The following NPM1 variants were observed in gnomAD, a reference collection of about 807,000 sequenced individuals.
The protein encoded by NPM1 is nucleophosmin 1, also known as nucleophosmin.
NPM1 carries 1 observed loss-of-function variant against 44.1 expected under a neutral mutation model. That is an observed-to-expected ratio of 0.02 (90% CI 0.01 to 0.11). The LOEUF (loss-of-function observed/expected upper bound fraction) is 0.11. NPM1 is among the 10% of genes least tolerant of loss of function. NPM1 has a pLI of 1.00. For synonymous variants in NPM1, 126 were observed against 111.8 expected (o/e 1.13, Z -0.80); for missense variants, 197 against 347.8 (o/e 0.57, Z 3.45).
At chr5:171,389,939 T>G in intron 1 of NPM1, 112 bp from the exon 2 acceptor site, 1 of 665,822 alleles carries the variant, frequency 1.5e-6, no homozygotes, top group Non-Finnish European at 2.6e-6. Flanking sequence ...CTCTGGTAGC[T>G]AAAATAGTGA....
intron 8 of NPM1, among the ~76,000 whole-genome samples, chr5:171,403,002 AT>A (rs1234269241): frequency 3.2e-3 from 153 of 48,212 alleles, no homozygotes; most frequent in African/African-American, 0.011. Context: ...TTTTATTTTT[AT>A]TTTTTTTTTA....
At chr5:171,387,751 G>C (rs992005655), upstream of NPM1, 2 of 616,682 alleles carry the variant, frequency 3.2e-6, no homozygotes, top group Non-Finnish European at 5.8e-6. Context: ...GCTACGGTAC[G>C]GGGGTGGGAG....
At chr5:171,394,375 C>T (rs1206989292) in intron 6 of NPM1, among the ~76,000 whole-genome samples, 2 of 152,070 alleles carry the variant, frequency 1.3e-5, no homozygotes, top group Non-Finnish European at 2.9e-5. Flanking sequence ...GGTTTCACCA[C>T]GTTGGCTAGG....
chr5:171,409,764 C>CT (rs1771732251), intron 10 of NPM1, among the ~76,000 whole-genome samples: 1 of 152,230 alleles, frequency 6.6e-6, no homozygotes, highest in East Asian at 1.9e-4. Context: ...ACCTTGGCCT[C>CT]TTAAAGTGCT....
At chr5:171,407,652 C>T (rs780882206) in intron 9 of NPM1, 48 bp from the exon 10 acceptor site, 10 of 1,035,408 alleles carry the variant, frequency 9.7e-6, no homozygotes, top group South Asian at 7.6e-5. Context: ...AGGTATCTCT[C>T]TCGGTGTATT....
intron 1 of NPM1, among the ~76,000 whole-genome samples, chr5:171,388,715 T>A (rs1214219245): frequency 6.6e-6 from 1 of 152,214 alleles, no homozygotes; most frequent in Non-Finnish European, 1.5e-5. Context: ...GCACTAGGGT[T>A]CTGGAGGTCT....
In NPM1 at chr5:171,406,510, T is replaced by G. The variant is rs779821869; in HGVS notation, c.771+1107T>G. 16 of 1,576,896 alleles carry G rather than the reference T, an allele frequency of 1.0e-5. No individual in the cohort carries two copies. In the Admixed American group the frequency reaches 1.4e-4, roughly 14 times the overall value. ...GTGTCATCAACAATCCAGACTGAAG[T>G]CTTCTATTTTAATCTCAATCCCCTT... On this transcript the variant is annotated intron_variant, in intron 9 of 10. Coordinates refer to ENST00000296930, the MANE Select transcript of NPM1 (RefSeq NM_002520.7).
rs1581233973 is a variant in NPM1, at chr5:171,387,857, G to C, written c.-92G>C. ...CGCGGGGAGCCTGCGTCCTTTCCCT[G>C]GTGTGATTCCGTCCTGCGCGGTTGT... On this transcript the variant is annotated 5_prime_UTR_variant, in exon 1 of 11. Transcript: ENST00000296930. The C allele has an allele frequency of 3.3e-6, 4 of 1,198,164 alleles. No homozygotes were observed. The highest frequency in any genetic ancestry group is 4.7e-5 in the East Asian group (2 of 42,604). 74.2% of individuals were successfully genotyped at this position (1,198,164 alleles called of 1,614,324 possible).
intron 4 of NPM1, 63 bp from the exon 5 acceptor site, chr5:171,392,647 G>T: frequency 6.0e-6 from 6 of 995,370 alleles, no homozygotes; most frequent in South Asian, 1.5e-5. Context: ...TACTATCAGT[G>T]TTCTTTTTTT....
chr5:171,410,489 G>T (rs755547732), intron 10 of NPM1, 38 bp from the exon 11 acceptor site: 1 of 1,372,646 alleles, frequency 7.3e-7, no homozygotes, highest in East Asian at 2.3e-5. Flanking sequence ...ATGAAGTGTT[G>T]TGGTTCCTTA....
intron 8 of NPM1, among the ~76,000 whole-genome samples, chr5:171,402,712 C>G (rs1274206534): frequency 7.2e-6 from 1 of 138,728 alleles, no homozygotes; most frequent in Admixed American, 7.3e-5. Context: ...GGTAGATTTC[C>G]CTCTTGCTGT....
chr5:171,395,227 T>C (rs761820799), intron 6 of NPM1, among the ~76,000 whole-genome samples: 3 of 152,178 alleles, frequency 2.0e-5, no homozygotes, highest in Non-Finnish European at 2.9e-5. Context: ...GTAATTTTGT[T>C]TGTCTTTAAG....
Position 171,406,635 on chromosome 5 carries a change from GCTTT to G in NPM1, c.772-1062_772-1059del, listed in dbSNP as rs541715193. ...TGTGATTCAGTGAACCTTGCCCTTT[GCTTT>G]CTATTACTTGTGCATTTGCCTCACC... On this transcript the variant is annotated intron_variant, in intron 9 of 10. Transcript: ENST00000296930. 1.2e-5 allele frequency: 16 copies of G among 1,324,148 alleles called. No individual in the cohort carries two copies. The South Asian group carries it at 3.2e-4, about 26-fold the overall frequency. The allele number at this position is 1,324,148 out of a possible 1,614,324, so 82.0% of individuals were successfully genotyped here.
intron 9 of NPM1, chr5:171,406,363 T>G: frequency 3.1e-6 from 5 of 1,590,360 alleles, no homozygotes; most frequent in Non-Finnish European, 4.3e-6. Flanking sequence ...CCCCTCCATT[T>G]TAATATGGTC....
In NPM1 at chr5:171,390,081, A is replaced by G; in HGVS notation, c.89A>G (p.His30Arg). The G allele has an allele frequency of 1.3e-6, 2 of 1,580,412 alleles. No homozygotes were observed. Among genetic ancestry groups the G allele is most frequent in the Non-Finnish European group, 1.7e-6 (2 of 1,168,170 alleles). Residue 30 changes from histidine (H) to arginine (R), a missense_variant, in exon 2 of 11, where the codon CAC (histidine) becomes CGC (arginine). This residue lies in a region of NPM1 where 43 missense variants were observed against 109.6 expected (regional missense o/e 0.39). Coordinates refer to ENST00000296930, the MANE Select transcript of NPM1 (RefSeq NM_002520.7). ...GAACTAAAGGCCGACAAAGATTATCACTTTAAGGTGGATAATGATGAAAAT... is the reference window on the plus strand; with the variant it reads ...GAACTAAAGGCCGACAAAGATTATCGCTTTAAGGTGGATAATGATGAAAAT... ...GCELKADKDY[H>R]FKVDNDENEH...
intron 8 of NPM1, among the ~76,000 whole-genome samples, chr5:171,403,792 A>C (rs1581255153): frequency 2.2e-5 from 2 of 91,468 alleles, no homozygotes; most frequent in Admixed American, 1.1e-4. Context: ...GGGGCTCCTC[A>C]CTTCCCAGTA....
At position 171,410,698 on chromosome 5, in the gene NPM1, T is replaced by C; in HGVS notation, c.*133T>C. On this transcript the variant is annotated 3_prime_UTR_variant, in exon 11 of 11. Coordinates refer to ENST00000296930, the MANE Select transcript of NPM1 (RefSeq NM_002520.7). ...CGTGTTTGATAAATGTTGTCCAGGT[T>C]CTATTGCCAAGAATGTGTTGTCCAA... 1.8e-6 allele frequency: 1 copy of C among 560,390 alleles called. No homozygotes were observed. The highest frequency in any genetic ancestry group is 3.1e-6 in the Non-Finnish European group (1 of 321,542). 34.7% of individuals were successfully genotyped at this position (560,390 alleles called of 1,614,324 possible).
rs2113169374 is a variant in NPM1, at chr5:171,391,389, A to G, written c.223A>G (p.Thr75Ala). ...TTACGAAGGCAGTCCAATTAAAGTA[A>G]CACTGGCAACTTTGAAAATGTCTGT... ...MNYEGSPIKV[T>A]LATLKMSVQP... The change falls in exon 3 of 11, where the codon ACA becomes GCA. Residue 75 changes from threonine to alanine, a missense_variant. Coordinates refer to ENST00000296930, the MANE Select transcript of NPM1 (RefSeq NM_002520.7). 6.2e-7 allele frequency: 1 copy of G among 1,610,478 alleles called. No homozygotes were observed. Among genetic ancestry groups the G allele is most frequent in the Non-Finnish European group, 8.5e-7 (1 of 1,179,944 alleles).
chr5:171,403,470 A>G (rs1284327045), intron 8 of NPM1, among the ~76,000 whole-genome samples: 1 of 119,226 alleles, frequency 8.4e-6, no homozygotes, highest in Non-Finnish European at 1.8e-5. Context: ...CTGCCTTTCT[A>G]TTCCACAAAG....
Sources: gnomAD v4.1 joint callset for allele counts (sites outside exome capture counted in the v4.1 genomes callset) on GRCh38, gnomAD v4.1.1 for gene constraint, gnomAD v4.1.1 regional missense constraint, MANE v1.5 for transcripts, NCBI Gene and HGNC (gene_info 2026-07-23, HGNC 2026-07-21) for gene names.